The following EYS variants were observed in gnomAD, a reference collection of about 807,000 sequenced individuals.
EYS encodes EGF-like photoreceptor maintenance factor, also known as protein eyes shut homolog.
A neutral mutation model predicts 282.1 loss-of-function variants in EYS; 250 were observed. That is an observed-to-expected ratio of 0.89 (90% CI 0.80 to 0.98). The LOEUF (loss-of-function observed/expected upper bound fraction) is 0.98, where lower values mean the gene tolerates loss of function less well. EYS is among the 50% of genes least tolerant of loss of function. EYS has a pLI of 0.00. For synonymous variants in EYS, 1,355 were observed against 1,282.9 expected, an observed-to-expected ratio of 1.06 and a Z score of -1.20; for missense variants, 4,016 against 3,709.0, an observed-to-expected ratio of 1.08 and a Z score of -2.15.
intron 29 of EYS, among the ~76,000 whole-genome samples, chr6:64,364,937 CTA>C (rs1772139480): frequency 6.6e-6 from 1 of 151,784 alleles, no homozygotes; most frequent in South Asian, 2.1e-4. Context: ...TAAAAGATGA[CTA>C]TTTTTAATGG....
intron 41 of EYS, among the ~76,000 whole-genome samples, chr6:63,746,882 C>A (rs545998909): frequency 6.6e-6 from 1 of 152,260 alleles, no homozygotes; most frequent in East Asian, 1.9e-4. Flanking sequence ...AAAAAGCCAG[C>A]TCCTGGGACT....
At chr6:64,933,584 A>C (rs561213248) in intron 15 of EYS, among the ~76,000 whole-genome samples, 41 of 152,252 alleles carry the variant, frequency 2.7e-4, no homozygotes, top group African/African-American at 7.7e-4. Context: ...GCGATTCCTC[A>C]AGGATCTAGA....
At chr6:65,075,412 T>C (rs1774019388) in intron 12 of EYS, among the ~76,000 whole-genome samples, 1 of 152,050 alleles carries the variant, frequency 6.6e-6, no homozygotes, top group Non-Finnish European at 1.5e-5. Flanking sequence ...TAAATTCATT[T>C]AACTTATATA....
chr6:64,971,067 T>A (rs1020168973), intron 14 of EYS, among the ~76,000 whole-genome samples: 1 of 152,150 alleles, frequency 6.6e-6, no homozygotes, highest in Non-Finnish European at 1.5e-5. Context: ...AATCATTATA[T>A]GATAACTTAG....
At chr6:64,026,584 G>A (rs1429008404) in intron 33 of EYS, among the ~76,000 whole-genome samples, 2 of 152,170 alleles carry the variant, frequency 1.3e-5, no homozygotes, top group Non-Finnish European at 2.9e-5. Flanking sequence ...GGCAAATGGA[G>A]TGAAATACCT....
chr6:63,884,285 T>C (rs989307820), intron 35 of EYS, among the ~76,000 whole-genome samples: 1 of 150,094 alleles, frequency 6.7e-6, no homozygotes, highest in Non-Finnish European at 1.5e-5. Flanking sequence ...ATCTGAAGCT[T>C]CCATCAAGTA....
chr6:64,643,182 C>T (rs898198972), intron 22 of EYS, among the ~76,000 whole-genome samples: 1 of 150,240 alleles, frequency 6.7e-6, no homozygotes, highest in Non-Finnish European at 1.5e-5. Context: ...GGTCCAAATG[C>T]ACCCACTTCC....
intron 29 of EYS, among the ~76,000 whole-genome samples, chr6:64,309,420 C>A (rs1244758703): frequency 6.6e-6 from 1 of 152,168 alleles, no homozygotes; most frequent in African/African-American, 2.4e-5. Context: ...AATTTCCCAG[C>A]CATTAGCCTT....
chr6:64,938,622 A>T (rs1768988966), intron 15 of EYS, among the ~76,000 whole-genome samples: 1 of 151,690 alleles, frequency 6.6e-6, no homozygotes, highest in Admixed American at 6.6e-5. Context: ...CTTTCAGTGG[A>T]GTATTCAATA....
intron 28 of EYS, among the ~76,000 whole-genome samples, chr6:64,413,014 A>G (rs1486116550): frequency 6.6e-6 from 1 of 152,164 alleles, no homozygotes; most frequent in Non-Finnish European, 1.5e-5. Flanking sequence ...TTATTCCACA[A>G]AACTGCTAAA....
At chr6:65,009,083 G>A (rs537180429) in intron 13 of EYS, among the ~76,000 whole-genome samples, 31 of 152,252 alleles carry the variant, frequency 2.0e-4, no homozygotes, top group African/African-American at 6.5e-4. Flanking sequence ...AGGAACACCC[G>A]TTGGTTGTCC....
intron 27 of EYS, 24 bp from the exon 28 acceptor site, chr6:64,436,289 C>T: frequency 2.2e-6 from 3 of 1,360,698 alleles, no homozygotes; most frequent in Admixed American, 2.1e-5. Context: ...AAATTTTGTC[C>T]TCAAACAGTT....
chr6:63,866,517 G>T (rs1032008475), intron 35 of EYS, among the ~76,000 whole-genome samples: 3 of 152,200 alleles, frequency 2.0e-5, no homozygotes, highest in Non-Finnish European at 2.9e-5. Flanking sequence ...GATTTGGCAT[G>T]CAGGAAAGAT....
chr6:65,064,252 ATATATATCATATATAGTATAC>A (rs1415483905), intron 12 of EYS, among the ~76,000 whole-genome samples: 2 of 129,830 alleles, frequency 1.5e-5, no homozygotes, highest in Non-Finnish European at 3.0e-5. Flanking sequence ...TATATATGAT[ATATATATCATATATAGTATAC>A]TATATATCAT....
At chr6:65,194,375 G>C (rs1337057740) in intron 12 of EYS, among the ~76,000 whole-genome samples, 1 of 151,756 alleles carries the variant, frequency 6.6e-6, no homozygotes, top group Non-Finnish European at 1.5e-5. Context: ...AGAAACAACA[G>C]AATATTCATA....
intron 12 of EYS, among the ~76,000 whole-genome samples, chr6:65,183,086 C>T (rs1765432278): frequency 6.6e-6 from 1 of 151,946 alleles, no homozygotes; most frequent in Non-Finnish European, 1.5e-5. Flanking sequence ...GCACTGTGCC[C>T]AGCCTCTATT....
At chr6:64,640,652 T>C (rs1768104361) in intron 22 of EYS, among the ~76,000 whole-genome samples, 1 of 152,008 alleles carries the variant, frequency 6.6e-6, no homozygotes, top group South Asian at 2.1e-4. Context: ...CACACAAGCA[T>C]GGCACATGTA....
At chr6:65,398,154 C>A (rs1242534927) in intron 7 of EYS, among the ~76,000 whole-genome samples, 1 of 151,804 alleles carries the variant, frequency 6.6e-6, no homozygotes, top group Non-Finnish European at 1.5e-5. Context: ...ATTCTGAATA[C>A]TAGCCTTTTG....
At chr6:64,970,804 T>C (rs1770266898) in intron 14 of EYS, among the ~76,000 whole-genome samples, 2 of 152,146 alleles carry the variant, frequency 1.3e-5, no homozygotes, top group Non-Finnish European at 2.9e-5. Flanking sequence ...TTGCTTGATA[T>C]GTACCATAGA....
Sources: allele counts gnomAD v4.1 joint callset (sites outside exome capture counted in the v4.1 genomes callset), GRCh38; gene constraint gnomAD v4.1.1; transcripts MANE v1.5; gene names NCBI Gene and HGNC (gene_info 2026-07-23, HGNC 2026-07-21).